Variants in NELL1 observed in about 807,000 individuals in gnomAD.
NELL1 encodes the protein protein kinase C-binding protein NELL1.
A neutral mutation model predicts 107.4 loss-of-function variants in NELL1; 76 were observed. That is an observed-to-expected ratio of 0.71 (90% CI 0.59 to 0.86). NELL1 has a LOEUF of 0.86. NELL1 is among the 40% of genes least tolerant of loss of function. The pLI, the probability that NELL1 is intolerant of heterozygous loss-of-function variation, is 0.00. For synonymous variants in NELL1, 353 were observed against 341.2 expected, an observed-to-expected ratio of 1.03 and a Z score of -0.38; for missense variants, 1,024 against 1,005.5, an observed-to-expected ratio of 1.02 and a Z score of -0.25.
intron 4 of NELL1, among the ~76,000 whole-genome samples, chr11:20,879,258 G>A (rs912194021): frequency 3.3e-5 from 5 of 152,184 alleles, no homozygotes; most frequent in Non-Finnish European, 5.9e-5. Context: ...ATGCTGAAGA[G>A]CTGAGGAATG....
chr11:21,373,082 G>GA (rs1276601291), intron 15 of NELL1, among the ~76,000 whole-genome samples: 1 of 151,934 alleles, frequency 6.6e-6, no homozygotes, highest in Non-Finnish European at 1.5e-5. Flanking sequence ...ATCATAAAGG[G>GA]AAAAAATACA....
At chr11:20,731,769 A>G (rs566667918) in intron 2 of NELL1, among the ~76,000 whole-genome samples, 1 of 152,356 alleles carries the variant, frequency 6.6e-6, no homozygotes, top group South Asian at 2.1e-4. Flanking sequence ...AATAAAAACC[A>G]TGTATAAAAA....
chr11:21,532,975 T>C (rs1269050847), intron 15 of NELL1, among the ~76,000 whole-genome samples: 1 of 152,160 alleles, frequency 6.6e-6, no homozygotes, highest in Non-Finnish European at 1.5e-5. Context: ...GGAAATTTAT[T>C]TTCTGGGAAT....
At chr11:21,541,246 G>A (rs4923645) in intron 16 of NELL1, among the ~76,000 whole-genome samples, 17,900 of 152,086 alleles carry the variant, frequency 0.12, 1,092 homozygotes, top group Middle Eastern at 0.17. Flanking sequence ...GCCTTCCATT[G>A]TTATCTGCTT....
chr11:21,365,476 A>G (rs1251905082), intron 14 of NELL1, among the ~76,000 whole-genome samples: 2 of 152,270 alleles, frequency 1.3e-5, no homozygotes, highest in East Asian at 3.9e-4. Context: ...TGGAATTATG[A>G]TATCAGGCTT....
chr11:21,467,929 C>T (rs1246561236), intron 15 of NELL1, among the ~76,000 whole-genome samples: 6 of 151,990 alleles, frequency 3.9e-5, no homozygotes, highest in Non-Finnish European at 8.8e-5. Flanking sequence ...CCCTTGCAAG[C>T]TTTAGGGCTT....
Position 20,678,030 on chromosome 11 carries a change from C to T in NELL1, c.154C>T (p.His52Tyr), listed in dbSNP as rs143880987. The T allele has an allele frequency of 2.5e-4, 401 of 1,614,022 alleles. No homozygotes were observed. Among genetic ancestry groups the T allele is most frequent in the Middle Eastern group, 3.3e-4 (2 of 6,084 alleles). Reference protein sequence around the residue: ...TLGVAQVSGMHNASKAFLFQD... With the variant: ...TLGVAQVSGMYNASKAFLFQD... ...TGGAGTTGCTCAGGTGTCTGGAATGCACAATGCCAGCAAAGCATTTTTATT... is the reference window on the plus strand; with the variant it reads ...TGGAGTTGCTCAGGTGTCTGGAATGTACAATGCCAGCAAAGCATTTTTATT... Residue 52 changes from histidine to tyrosine, a missense_variant, in exon 2 of 20, where the codon CAC (histidine) becomes TAC (tyrosine). By Grantham distance (83) the His-to-Tyr change is moderately conservative (BLOSUM62 2). Transcript: ENST00000357134.
chr11:21,249,484 T>C (rs1858583122), intron 14 of NELL1, among the ~76,000 whole-genome samples: 1 of 151,966 alleles, frequency 6.6e-6, no homozygotes, highest in African/African-American at 2.4e-5. Flanking sequence ...CCTAAGCCCA[T>C]ATACAAAATT....
chr11:20,686,442 C>G (rs1319595000), intron 2 of NELL1, among the ~76,000 whole-genome samples: 1 of 152,058 alleles, frequency 6.6e-6, no homozygotes, highest in Non-Finnish European at 1.5e-5. Flanking sequence ...TTAAATTTAA[C>G]AGAATTTAAT....
At chr11:21,323,592 T>C (rs903654009) in intron 14 of NELL1, among the ~76,000 whole-genome samples, 3 of 152,150 alleles carry the variant, frequency 2.0e-5, no homozygotes, top group Non-Finnish European at 4.4e-5. Flanking sequence ...ATTTTACCTC[T>C]GACATGTCTC....
At chr11:20,818,406 CTTTTTTTTTTTT>C (rs57318040) in intron 3 of NELL1, among the ~76,000 whole-genome samples, 1 of 108,730 alleles carries the variant, frequency 9.2e-6, no homozygotes, top group Non-Finnish European at 1.9e-5. Flanking sequence ...GCAACCCCTG[CTTTTTTTTTTTT>C]TTTTTTTTTT....
At chr11:21,524,699 T>C (rs567433576) in intron 15 of NELL1, among the ~76,000 whole-genome samples, 25 of 152,286 alleles carry the variant, frequency 1.6e-4, no homozygotes, top group African/African-American at 6.0e-4. Context: ...TTTGAATGCC[T>C]GATAGGAGAT....
At chr11:21,425,203 A>T (rs1184706074) in intron 15 of NELL1, among the ~76,000 whole-genome samples, 3 of 152,148 alleles carry the variant, frequency 2.0e-5, no homozygotes, top group Non-Finnish European at 4.4e-5. Flanking sequence ...AATCCCAATG[A>T]CTCAACAAAT....
chr11:21,552,282 TATAATA>T (rs942431605), intron 16 of NELL1, among the ~76,000 whole-genome samples: 3 of 151,574 alleles, frequency 2.0e-5, no homozygotes, highest in Non-Finnish European at 4.4e-5. Flanking sequence ...AAACTTAAAG[TATAATA>T]ATAATAATAA....
chr11:21,320,594 T>G (rs572399186), intron 14 of NELL1, among the ~76,000 whole-genome samples: 3 of 152,200 alleles, frequency 2.0e-5, no homozygotes, highest in African/African-American at 7.2e-5. Context: ...GACACTGTAC[T>G]AAAGTGGTTG....
At chr11:21,041,442 C>T (rs947759442) in intron 12 of NELL1, among the ~76,000 whole-genome samples, 14 of 152,054 alleles carry the variant, frequency 9.2e-5, no homozygotes, top group African/African-American at 2.9e-4. Context: ...TGAAAGGTAA[C>T]TGAGTTTTAT....
At chr11:20,910,655 G>C (rs1285597129) in intron 5 of NELL1, among the ~76,000 whole-genome samples, 1 of 152,172 alleles carries the variant, frequency 6.6e-6, no homozygotes, top group Non-Finnish European at 1.5e-5. Context: ...TTATGTAGCA[G>C]GTTCTAAGTA....
intron 2 of NELL1, among the ~76,000 whole-genome samples, chr11:20,729,218 A>T (rs932062996): frequency 2.0e-5 from 3 of 151,956 alleles, no homozygotes; most frequent in African/African-American, 7.3e-5. Flanking sequence ...CAGTGTTTTT[A>T]GGGTTTCCTA....
At chr11:20,960,903 A>G (rs561238474) in intron 12 of NELL1, among the ~76,000 whole-genome samples, 2 of 152,212 alleles carry the variant, frequency 1.3e-5, no homozygotes, top group Admixed American at 6.5e-5. Flanking sequence ...TGCCATCTTC[A>G]TATTTAATTA....
Sources: allele counts gnomAD v4.1 joint callset (sites outside exome capture counted in the v4.1 genomes callset), GRCh38; gene constraint gnomAD v4.1.1; transcripts MANE v1.5; gene names NCBI Gene and HGNC (gene_info 2026-07-23, HGNC 2026-07-21).